GRIA1: variants seen among roughly 807,000 people sequenced by gnomAD.
GRIA1 encodes the protein glutamate receptor 1.
Under a neutral mutation model 99.2 loss-of-function variants are expected in GRIA1, and 31 were observed. The observed-to-expected ratio is 0.31, with a 90% CI of 0.23 to 0.42. The LOEUF (loss-of-function observed/expected upper bound fraction) is 0.42. Among genes scored for constraint, GRIA1 ranks in the 10% least tolerant of loss-of-function variants. The pLI, the probability that GRIA1 is intolerant of heterozygous loss-of-function variation, is 1.00. For missense variants in GRIA1, 782 were observed against 1,157.5 expected, an observed-to-expected ratio of 0.68 and a Z score of 4.71; for synonymous variants, 438 against 432.4, an observed-to-expected ratio of 1.01 and a Z score of -0.16.
At chr5:153,615,799 T>A (rs1309004044) in intron 2 of GRIA1, among the ~76,000 whole-genome samples, 1 of 152,156 alleles carries the variant, frequency 6.6e-6, no homozygotes, top group African/African-American at 2.4e-5. Flanking sequence ...CATCCCCATC[T>A]CTAGATGTTG....
chr5:153,782,030 T>G (rs1764669914), intron 13 of GRIA1, among the ~76,000 whole-genome samples: 1 of 152,254 alleles, frequency 6.6e-6, no homozygotes, highest in African/African-American at 2.4e-5. Flanking sequence ...ACAATATTTC[T>G]CTAAGAAACA....
At chr5:153,766,654 T>C (rs1205868790) in intron 12 of GRIA1, among the ~76,000 whole-genome samples, 1 of 152,188 alleles carries the variant, frequency 6.6e-6, no homozygotes, top group Non-Finnish European at 1.5e-5. Context: ...CACATGGTCT[T>C]AATGTGGTGG....
intron 14 of GRIA1, among the ~76,000 whole-genome samples, chr5:153,801,143 G>A (rs939039667): frequency 3.1e-4 from 47 of 152,234 alleles, no homozygotes; most frequent in African/African-American, 1.1e-3. Flanking sequence ...AACTTGCTGC[G>A]CTTCCTGAGC....
At chr5:153,762,522 G>T (rs1332427694) in intron 11 of GRIA1, among the ~76,000 whole-genome samples, 1 of 152,158 alleles carries the variant, frequency 6.6e-6, no homozygotes, top group East Asian at 1.9e-4. Context: ...GAGTGATTTT[G>T]CCCCTTTGTA....
At position 153,608,350 on chromosome 5, in the gene GRIA1, CCTT is replaced by C. The variant is rs549710120; in HGVS notation, c.221-38574_221-38572del. On this transcript the variant is annotated intron_variant, in intron 2 of 15. Transcript: ENST00000285900. ...AATTCTTCAGACATCATTTATGTGTCCTTCTTTTTTCACTTTATGAAATTTCAT... is the reference window on the plus strand; with the variant it reads ...AATTCTTCAGACATCATTTATGTGTCCTTTTTTCACTTTATGAAATTTCAT... 1.8e-3 allele frequency among the ~76,000 whole-genome samples: 281 copies of C among 152,128 alleles called. 3 individuals carry two copies. Among genetic ancestry groups the C allele is most frequent in the African/African-American group, 6.1e-3 (254 of 41,526 alleles).
At chr5:153,512,914 T>C (rs1756238039) in intron 2 of GRIA1, among the ~76,000 whole-genome samples, 2 of 152,148 alleles carry the variant, frequency 1.3e-5, no homozygotes, top group African/African-American at 4.8e-5. Context: ...GGATTAATAC[T>C]CTATAAGAGA....
chr5:153,521,468 A>T (rs1264427260), intron 2 of GRIA1, among the ~76,000 whole-genome samples: 13 of 152,186 alleles, frequency 8.5e-5, no homozygotes, highest in Non-Finnish European at 1.8e-4. Context: ...CCTTTGACAG[A>T]ACTACAGCTT....
At chr5:153,676,216 C>A (rs1445438351) in intron 6 of GRIA1, among the ~76,000 whole-genome samples, 1 of 152,156 alleles carries the variant, frequency 6.6e-6, no homozygotes, top group African/African-American at 2.4e-5. Context: ...TAGAAAAATA[C>A]CCATTCATTC....
intron 6 of GRIA1, among the ~76,000 whole-genome samples, chr5:153,675,832 A>T (rs1756529915): frequency 6.6e-6 from 1 of 151,760 alleles, no homozygotes; most frequent in African/African-American, 2.4e-5. Context: ...GACTGAGCAG[A>T]TGACAAAAAT....
rs778331384 is a variant in GRIA1 at position 153,794,412 on chromosome 5, G to T, written c.2271-209G>T. Among the ~76,000 whole-genome samples, 3 of 152,256 alleles carry T rather than the reference G, an allele frequency of 2.0e-5. No individual in the cohort carries two copies. In the East Asian group the frequency reaches 5.8e-4, roughly 29 times the overall value. On this transcript the variant is annotated intron_variant, in intron 13 of 15. Transcript: ENST00000285900. ...TTCTGAAAACTTAGGTTACAATGAC[G>T]CCTCTCCATAATGGGAGTCAATGAT...
intron 11 of GRIA1, among the ~76,000 whole-genome samples, chr5:153,763,177 C>T (rs981183895): frequency 2.0e-5 from 3 of 152,110 alleles, no homozygotes; most frequent in African/African-American, 7.2e-5. Context: ...GAAAAGGGAT[C>T]TCCAAGAAAT....
At chr5:153,566,874 G>A (rs560641706) in intron 2 of GRIA1, among the ~76,000 whole-genome samples, 17 of 151,574 alleles carry the variant, frequency 1.1e-4, no homozygotes, top group Admixed American at 5.9e-4. Flanking sequence ...GCACCACCAC[G>A]CCCAGCTAAT....
At chr5:153,800,921 A>G (rs1161957417) in intron 14 of GRIA1, among the ~76,000 whole-genome samples, 1 of 152,236 alleles carries the variant, frequency 6.6e-6, no homozygotes, top group Non-Finnish European at 1.5e-5. Context: ...ATGGAGAGGT[A>G]TAAAGGCCAC....
chr5:153,605,015 C>T (rs866476838), intron 2 of GRIA1, among the ~76,000 whole-genome samples: 69 of 152,084 alleles, frequency 4.5e-4, no homozygotes, highest in African/African-American at 1.6e-3. Flanking sequence ...GGCAAAACCC[C>T]GTCTCTACTA....
Position 153,770,263 on chromosome 5 carries a change from A to G in GRIA1, c.2118A>G (p.Arg706=), listed in dbSNP as rs781559029. Residue 706 remains arginine (R), a synonymous_variant, in exon 13 of 16, where the codon CGA becomes CGG. Coordinates refer to ENST00000285900, the MANE Select transcript of GRIA1 (RefSeq NM_000827.4). ...GGACCACAGAGGAGGGGATGATTCG[A>G]GTGAGGAAATCCAAAGGCAAATATG... The part of the protein sequence containing the change: ...FVRTTEEGMI[R]VRKSKGKYAY... The G allele has an allele frequency of 8.7e-6, 14 of 1,614,060 alleles. No homozygotes were observed. Among genetic ancestry groups the G allele is most frequent in the East Asian group, 4.5e-5 (2 of 44,872 alleles).
chr5:153,768,573 T>G (rs1763672390), intron 12 of GRIA1, among the ~76,000 whole-genome samples: 1 of 152,142 alleles, frequency 6.6e-6, no homozygotes, highest in African/African-American at 2.4e-5. Flanking sequence ...TTTCCATTAC[T>G]TTTCCCTCAA....
chr5:153,611,941 G>A (rs1033112748), intron 2 of GRIA1, among the ~76,000 whole-genome samples: 1 of 152,182 alleles, frequency 6.6e-6, no homozygotes, highest in Non-Finnish European at 1.5e-5. Context: ...TGGAGATGTA[G>A]GTTTGTAATC....
At chr5:153,562,687 G>A (rs1761237701) in intron 2 of GRIA1, among the ~76,000 whole-genome samples, 2 of 152,148 alleles carry the variant, frequency 1.3e-5, no homozygotes, top group African/African-American at 4.8e-5. Context: ...AAGTGAATGA[G>A]TGAGTAAGTG....
At chr5:153,540,910 G>A (rs981666546) in intron 2 of GRIA1, among the ~76,000 whole-genome samples, 10 of 152,186 alleles carry the variant, frequency 6.6e-5, no homozygotes, top group Non-Finnish European at 1.0e-4. Context: ...GGAATTGAAT[G>A]AACGTTGGTG....
Sources: gnomAD v4.1 joint callset for allele counts (sites outside exome capture counted in the v4.1 genomes callset) on GRCh38, gnomAD v4.1.1 for gene constraint, MANE v1.5 for transcripts, NCBI Gene and HGNC (gene_info 2026-07-23, HGNC 2026-07-21) for gene names.